The following DALRD3 variants were observed in gnomAD, a reference collection of about 807,000 sequenced individuals.
The protein encoded by DALRD3 is DALR anticodon binding domain containing 3.
In DALRD3, 47 loss-of-function variants were observed where a neutral mutation model predicts 56.7. The observed-to-expected ratio is 0.83, with a 90% CI of 0.66 to 1.06. The LOEUF (loss-of-function observed/expected upper bound fraction) is 1.06, where lower values mean the gene tolerates loss of function less well. Among genes scored for constraint, DALRD3 ranks in the 50% least tolerant of loss-of-function variants. DALRD3 has a pLI of 0.00. For synonymous variants in DALRD3, 347 were observed against 308.5 expected (o/e 1.12, Z -1.31); for missense variants, 787 against 724.0 (o/e 1.09, Z -1.00).
chr3:49,015,508 T>G lies in DALRD3; in HGVS notation c.*80A>C. The G allele has an allele frequency of 1.3e-6, 2 of 1,587,784 alleles. No homozygotes were observed. Among genetic ancestry groups the G allele is most frequent in the Non-Finnish European group, 1.7e-6 (2 of 1,161,350 alleles). On this transcript the variant is annotated 3_prime_UTR_variant, in exon 12 of 12. Coordinates refer to ENST00000341949, the MANE Select transcript of DALRD3 (RefSeq NM_001009996.3). ...AGAACTTTGTAACAAACAGTACCAA[T>G]TTATTTTGGCCGTGGGTTTTTGCTT... is the stretch of plus-strand genomic sequence containing the variant.
Position 49,017,360 on chromosome 3 carries a change from A to AGGGAGGACAATCATAACTGT in DALRD3, c.799-24_799-5dup. On this transcript the variant is annotated splice_polypyrimidine_tract_variant and splice_region_variant and intron_variant, in intron 4 of 11. Coordinates refer to ENST00000341949, the MANE Select transcript of DALRD3 (RefSeq NM_001009996.3). ...TACCAGTATCTGAGGCCCCAGCCTA[A>AGGGAGGACAATCATAACTGT]GGGAGGACAATCATAACTGTGGAAG... 6.2e-7 allele frequency: 1 copy of AGGGAGGACAATCATAACTGT among 1,614,234 alleles called. No individual in the cohort carries two copies. The highest frequency in any genetic ancestry group is 8.5e-7 in the Non-Finnish European group (1 of 1,180,038).
At position 49,017,333 on chromosome 3, in the gene DALRD3, T is replaced by C. The variant is rs1422322049; in HGVS notation, c.822A>G (p.Thr274=). 3 of 1,614,116 alleles carry C rather than the reference T, an allele frequency of 1.9e-6. No homozygotes were observed. Among genetic ancestry groups the C allele is most frequent in the African/African-American group, 1.3e-5 (1 of 74,950 alleles). The change falls in exon 5 of 12, where the codon ACA becomes ACG. Residue 274 remains threonine, a synonymous_variant. Transcript: ENST00000341949. ...PGLAGASDTG[T]GGCLVVHVVS... Reference sequence around the variant, plus strand: ...CAACATGTACAACCAGGCAGCCGCCTGTACCAGTATCTGAGGCCCCAGCCT... The same window carrying C: ...CAACATGTACAACCAGGCAGCCGCCCGTACCAGTATCTGAGGCCCCAGCCT...
At chr3:49,015,911 T>C in intron 10 of DALRD3, 39 bp from the exon 11 acceptor site, 1 of 1,614,194 alleles carries the variant, frequency 6.2e-7, no homozygotes, top group Admixed American at 1.7e-5. Context: ...ATCTCTTTGC[T>C]CTTGTGCCCC....
In DALRD3 at chr3:49,017,276, C is replaced by T. The variant is rs201805627; in HGVS notation, c.879G>A (p.Lys293=). 2.5e-5 allele frequency: 40 copies of T among 1,614,094 alleles called. No individual in the cohort carries two copies. Among genetic ancestry groups the T allele is most frequent in the Non-Finnish European group, 3.1e-5 (36 of 1,180,030 alleles). ...VSCEEEFQQQ[K]LDLLWQKLVD... Reference sequence around the variant, plus strand: ...CCAACTTCTGCCAAAGCAGGTCCAACTTCTGTTGCTGGAACTCCTCCTCAC... The same window carrying T: ...CCAACTTCTGCCAAAGCAGGTCCAATTTCTGTTGCTGGAACTCCTCCTCAC... Residue 293 remains lysine (K), a synonymous_variant, in exon 5 of 12, where the codon AAG becomes AAA. Coordinates refer to ENST00000341949, the MANE Select transcript of DALRD3 (RefSeq NM_001009996.3).
chr3:49,016,185 A>C lies in DALRD3; in HGVS notation c.1302T>G (p.Ser434Arg). The C allele has an allele frequency of 1.2e-6, 2 of 1,614,150 alleles. No individual in the cohort carries two copies. The highest frequency in any genetic ancestry group is 1.7e-6 in the Non-Finnish European group (2 of 1,180,018). Residue 434 changes from serine (S) to arginine (R), a missense_variant, in exon 9 of 12, where the codon AGT (serine) becomes AGG (arginine). By Grantham distance (110) the Ser-to-Arg change is moderately radical (BLOSUM62 -1). Coordinates refer to ENST00000341949, the MANE Select transcript of DALRD3 (RefSeq NM_001009996.3). ...CATCATGTAGCAGTGAGAAGTCCAG[A>C]CTGCTCACAGGAGGAAAAGTGGGGT... Reference protein sequence around the residue: ...GLYPTFPPVSSLDFSLLHDEG... With the variant: ...GLYPTFPPVSRLDFSLLHDEG...
chr3:49,017,394 A>C (rs750829599), intron 4 of DALRD3, 38 bp from the exon 5 acceptor site: 14 of 1,614,188 alleles, frequency 8.7e-6, no homozygotes, highest in Non-Finnish European at 1.2e-5. Context: ...AGTACAGTAT[A>C]CTTGGTTTGG....
Position 49,015,689 on chromosome 3 carries a change from A to G in DALRD3, c.1531T>C (p.Phe511Leu). The change falls in exon 12 of 12, where the codon TTT (phenylalanine) becomes CTT (leucine). Residue 511 changes from phenylalanine (F) to leucine (L), a missense_variant. By Grantham distance (22) the Phe-to-Leu change is conservative. Coordinates refer to ENST00000341949, the MANE Select transcript of DALRD3 (RefSeq NM_001009996.3). ...TGCAGGCGGACGAACATCTGACCAAAGAGGTGTGGTCGAGGCTCCTGAAAG... is the reference window on the plus strand; with the variant it reads ...TGCAGGCGGACGAACATCTGACCAAGGAGGTGTGGTCGAGGCTCCTGAAAG... ...HILGEPRPHL[F>L]GQMFVRLQLL... 1.2e-6 allele frequency: 2 copies of G among 1,614,134 alleles called. No homozygotes were observed. Among genetic ancestry groups the G allele is most frequent in the Non-Finnish European group, 1.7e-6 (2 of 1,180,032 alleles).
At chr3:49,018,938 T>C (rs530787837), upstream of DALRD3, 36 of 985,238 alleles carry the variant, frequency 3.7e-5, no homozygotes, top group Admixed American at 2.5e-4. Context: ...TTACACATGA[T>C]GAATATTCGT....
At chr3:49,017,157 G>A (rs1459977863) in intron 5 of DALRD3, 71 bp downstream of exon 5, 1 of 1,603,192 alleles carries the variant, frequency 6.2e-7, no homozygotes, top group Non-Finnish European at 8.5e-7. Flanking sequence ...CAAGCCCCTC[G>A]GTGGGTTTTC....
chr3:49,018,522 G>A lies in DALRD3; in HGVS notation c.43C>T (p.Leu15Phe). 3 of 1,584,858 alleles carry A rather than the reference G, an allele frequency of 1.9e-6. No individual in the cohort carries two copies. The highest frequency in any genetic ancestry group is 2.6e-6 in the Non-Finnish European group (3 of 1,165,408). The change falls in exon 1 of 12, where the codon CTC becomes TTC. Residue 15 changes from leucine (L) to phenylalanine (F), a missense_variant. Transcript: ENST00000341949. ...CCGCCTGGCCCCAGGGCCGCGTTGA[G>A]GGCCCCCAGCGTCTCCCCGACCCCA... ...RLGVGETLGALNAALGPGGPV... is the reference protein window; with the variant it reads ...RLGVGETLGAFNAALGPGGPV...
At position 49,017,876 on chromosome 3, in the gene DALRD3, A is replaced by C. The variant is rs1227747044; in HGVS notation, c.462-7T>G. The C allele has an allele frequency of 1.8e-5, 28 of 1,585,960 alleles. No individual in the cohort carries two copies. Among genetic ancestry groups the C allele is most frequent in the Non-Finnish European group, 2.4e-5 (28 of 1,173,686 alleles). On this transcript the variant is annotated splice_polypyrimidine_tract_variant and splice_region_variant and intron_variant, in intron 2 of 11. Coordinates refer to ENST00000341949, the MANE Select transcript of DALRD3 (RefSeq NM_001009996.3). ...CACTAGGCGCACGCACACCCTGCGA[A>C]GGGAGGGCGGCCGCCTCAGTCTGAG...
At chr3:49,020,779 C>A, upstream of DALRD3, 1 of 414,372 alleles carries the variant, frequency 2.4e-6, no homozygotes, top group Non-Finnish European at 5.2e-6. Flanking sequence ...CCCGCCCATC[C>A]CCAGTCCCAG....
chr3:49,018,828 G>T, upstream of DALRD3: 1 of 985,424 alleles, frequency 1.0e-6, no homozygotes, highest in Non-Finnish European at 1.2e-6. Context: ...CCTTAACCAG[G>T]AAAAGGATCC....
At position 49,017,640 on chromosome 3, in the gene DALRD3, A is replaced by G. The variant is rs777724131; in HGVS notation, c.691T>C (p.Tyr231His). 2 of 1,614,172 alleles carry G rather than the reference A, an allele frequency of 1.2e-6. No homozygotes were observed. The highest frequency in any genetic ancestry group is 1.1e-5 in the South Asian group (1 of 91,090). Residue 231 changes from tyrosine to histidine, a missense_variant, in exon 3 of 12, where the codon TAT (tyrosine) becomes CAT (histidine). Tyr to His is a moderately conservative substitution (Grantham distance 83). Transcript: ENST00000341949. Reference sequence around the variant, plus strand: ...AGACAGTTGTCCAGGTTGGGGTCATAGCCAGCTGTGCGGCCCTGTTCTTCC... The same window carrying G: ...AGACAGTTGTCCAGGTTGGGGTCATGGCCAGCTGTGCGGCCCTGTTCTTCC... ...LVEEQGRTAG[Y>H]DPNLDNCLVT...
Position 49,017,811 on chromosome 3 carries a change from G to A in DALRD3, c.520C>T (p.Gln174Ter), listed in dbSNP as rs1292508165. 10 of 1,612,202 alleles carry A rather than the reference G, an allele frequency of 6.2e-6. No homozygotes were observed. The highest frequency in any genetic ancestry group is 8.5e-6 in the Non-Finnish European group (10 of 1,179,990). Reference sequence around the variant, plus strand: ...GCAGCGGGCCAGTCCACCCGCAGTTGCTGCAGGAAGGTCAGCATGTGCGGA... The same window carrying A: ...GCAGCGGGCCAGTCCACCCGCAGTTACTGCAGGAAGGTCAGCATGTGCGGA... ...RDPHMLTFLQ[Q>*]LRVDWPAASE... The change falls in exon 3 of 12, where the codon CAA becomes TAA. Residue 174 changes from glutamine (Q) to a stop codon, truncating the protein, a stop_gained. Transcript: ENST00000341949. LOFTEE classifies it high-confidence loss of function.
chr3:49,017,849 G>A lies in DALRD3; in HGVS notation c.482C>T (p.Pro161Leu), dbSNP rs367782586. The change falls in exon 3 of 12, where the codon CCA becomes CTA. Residue 161 changes from proline to leucine, a missense_variant. Physicochemically the swap from Pro to Leu is moderately conservative, Grantham distance 98. Transcript: ENST00000341949. The stretch of plus-strand genomic sequence containing the variant: ...CAGCATGTGCGGATCCCGCACAGCT[G>A]GCACTAGGCGCACGCACACCCTGCG... ...RAHGVCVRLV[P>L]AVRDPHMLTF... The A allele has an allele frequency of 4.4e-6, 7 of 1,603,920 alleles. No homozygotes were observed. The South Asian group carries it at 6.6e-5, about 15-fold the overall frequency.
At chr3:49,020,296 CTG>C (rs1275916749), upstream of DALRD3, 7 of 508,098 alleles carry the variant, frequency 1.4e-5, no homozygotes, top group Non-Finnish European at 4.1e-6. Flanking sequence ...CTCAGTCAAA[CTG>C]AGGACTTCAG....
Position 49,017,624 on chromosome 3 carries a change from T to C in DALRD3, c.707A>G (p.Asp236Gly). Residue 236 changes from aspartate to glycine, a missense_variant, in exon 3 of 12, where the codon GAC becomes GGC. Physicochemically the swap from Asp to Gly is moderately conservative, Grantham distance 94. Coordinates refer to ENST00000341949, the MANE Select transcript of DALRD3 (RefSeq NM_001009996.3). Reference protein sequence around the residue: ...GRTAGYDPNLDNCLVTEDLLS... With the variant: ...GRTAGYDPNLGNCLVTEDLLS... ...GCTTCAGGTCCTACCCAGACAGTTG[T>C]CCAGGTTGGGGTCATAGCCAGCTGT... 1 of 1,614,200 alleles carries C rather than the reference T, an allele frequency of 6.2e-7. No homozygotes were observed. Among genetic ancestry groups the C allele is most frequent in the Non-Finnish European group, 8.5e-7 (1 of 1,180,020 alleles).
In DALRD3 at chr3:49,015,514, T is replaced by C. The variant is rs2093050977; in HGVS notation, c.*74A>G. ...TTGTAACAAACAGTACCAATTTATTTTGGCCGTGGGTTTTTGCTTTTTTTC... is the reference window on the plus strand; with the variant it reads ...TTGTAACAAACAGTACCAATTTATTCTGGCCGTGGGTTTTTGCTTTTTTTC... On this transcript the variant is annotated 3_prime_UTR_variant, in exon 12 of 12. Transcript: ENST00000341949. 1.3e-6 allele frequency: 2 copies of C among 1,594,638 alleles called. No individual in the cohort carries two copies. Among genetic ancestry groups the C allele is most frequent in the Admixed American group, 1.7e-5 (1 of 57,878 alleles).
Sources: gnomAD v4.1 joint callset for allele counts on GRCh38, gnomAD v4.1.1 for gene constraint, MANE v1.5 for transcripts, NCBI Gene and HGNC (gene_info 2026-07-23, HGNC 2026-07-21) for gene names.